IGSF21: variants seen among roughly 807,000 people sequenced by gnomAD.
IGSF21 encodes the protein immunoglobulin superfamily member 21.
Under a neutral mutation model 46.8 loss-of-function variants are expected in IGSF21, and 28 were observed. The ratio of observed to expected loss-of-function variants is 0.60; its 90% confidence interval spans 0.44 to 0.82. IGSF21 has a LOEUF of 0.82. IGSF21 is among the 40% of genes least tolerant of loss of function. The pLI is 0.00. For missense variants in IGSF21, 624 were observed against 665.5 expected (o/e 0.94, Z 0.69); for synonymous variants, 284 against 273.6 (o/e 1.04, Z -0.38).
At chr1:18,318,082 C>T (rs1022697725) in intron 3 of IGSF21, among the ~76,000 whole-genome samples, 18 of 152,238 alleles carry the variant, frequency 1.2e-4, no homozygotes, top group African/African-American at 4.3e-4. Flanking sequence ...AAAGACCTTC[C>T]TAGAAGCCAG....
chr1:18,240,093 C>A (rs190922082), intron 2 of IGSF21, among the ~76,000 whole-genome samples: 1 of 152,086 alleles, frequency 6.6e-6, no homozygotes, highest in Non-Finnish European at 1.5e-5. Context: ...TCCTGGGCAA[C>A]CTGACAAAAC....
chr1:18,275,587 G>A (rs1405689859), intron 2 of IGSF21, among the ~76,000 whole-genome samples: 4 of 152,182 alleles, frequency 2.6e-5, no homozygotes, highest in African/African-American at 9.7e-5. Flanking sequence ...TGGGGGAGCA[G>A]TGGGGAAAGG....
intron 1 of IGSF21, among the ~76,000 whole-genome samples, chr1:18,161,369 C>T (rs887504211): frequency 1.3e-5 from 2 of 152,088 alleles, no homozygotes; most frequent in Admixed American, 6.5e-5. Flanking sequence ...GTGAATGACC[C>T]TTGGAGATAG....
rs1326010011 is a variant in IGSF21 at position 18,108,209 on chromosome 1, G to T, written c.70+11G>T. 7.2e-7 allele frequency: 1 copy of T among 1,385,332 alleles called. No homozygotes were observed. Among genetic ancestry groups the T allele is most frequent in the Non-Finnish European group, 9.3e-7 (1 of 1,071,702 alleles). 85.8% of individuals were successfully genotyped at this position (1,385,332 alleles called of 1,614,324 possible). On this transcript the variant is annotated intron_variant, in intron 1 of 9. Transcript: ENST00000251296. ...TGGACCTGGCGCGCGGTGAGTGCGCGGGCGCCTGGCGGGAGCCGAGCGGTG... is the reference window on the plus strand; with the variant it reads ...TGGACCTGGCGCGCGGTGAGTGCGCTGGCGCCTGGCGGGAGCCGAGCGGTG...
chr1:18,337,736 A>G lies in IGSF21; in HGVS notation c.424+2726A>G, dbSNP rs1440054197. Among the ~76,000 whole-genome samples, 2 of 152,152 alleles carry G rather than the reference A, an allele frequency of 1.3e-5. No individual in the cohort carries two copies. The highest frequency in any genetic ancestry group is 2.9e-5 in the Non-Finnish European group (2 of 68,042). On this transcript the variant is annotated intron_variant, in intron 4 of 9. Transcript: ENST00000251296. This position sits in a 1 kb window ranked among gnomAD's most constrained non-coding sequence, Gnocchi z 5.7. ...AGGATATATCCCAACTGTCATAATGATGGCAATGCCCCACACTTGCCCAAT... is the reference window on the plus strand; with the variant it reads ...AGGATATATCCCAACTGTCATAATGGTGGCAATGCCCCACACTTGCCCAAT...
At chr1:18,326,715 G>A (rs1193001815) in intron 3 of IGSF21, among the ~76,000 whole-genome samples, 4 of 152,146 alleles carry the variant, frequency 2.6e-5, no homozygotes, top group Admixed American at 6.6e-5. Context: ...CACACACCAC[G>A]TTCCTCCCTC....
rs182045795 is a variant in IGSF21 at position 18,255,851 on chromosome 1, G to A, written c.183+27841G>A. Among the ~76,000 whole-genome samples, 10 of 152,162 alleles carry A rather than the reference G, an allele frequency of 6.6e-5. No individual in the cohort carries two copies. The East Asian group carries it at 7.7e-4, about 12-fold the overall frequency. ...CACCATCATCTTAGTCTGAATGTCT[G>A]TTACCTCCCAACTTGCCCAGAGGTG... On this transcript the variant is annotated intron_variant, in intron 2 of 9. Transcript: ENST00000251296.
At chr1:18,255,066 C>A (rs916594671) in intron 2 of IGSF21, among the ~76,000 whole-genome samples, 3 of 152,180 alleles carry the variant, frequency 2.0e-5, no homozygotes, top group Non-Finnish European at 2.9e-5. Context: ...AATACACTGA[C>A]CCCAGCGAAA....
chr1:18,137,154 G>C (rs2086374363), intron 1 of IGSF21, among the ~76,000 whole-genome samples: 1 of 152,314 alleles, frequency 6.6e-6, no homozygotes, highest in South Asian at 2.1e-4. Flanking sequence ...AGTGAAGGGG[G>C]AGCAGGTGCA....
rs1018689462 is a variant in IGSF21 at position 18,335,671 on chromosome 1, G to A, written c.424+661G>A. On this transcript the variant is annotated intron_variant, in intron 4 of 9. Transcript: ENST00000251296. The surrounding 1 kb of genome is among the most constrained non-coding windows in gnomAD (Gnocchi z 4.8). ...ATTCTGGCTCTATTGCAAGGATGCT[G>A]GGGACTTGGCCTTGACTCCAGACTC... Among the ~76,000 whole-genome samples the A allele has an allele frequency of 1.3e-5, 2 of 152,182 alleles. No individual in the cohort carries two copies. The highest frequency in any genetic ancestry group is 1.3e-4 in the Admixed American group (2 of 15,284).
chr1:18,324,617 C>A (rs1370278487), intron 3 of IGSF21, among the ~76,000 whole-genome samples: 4 of 152,222 alleles, frequency 2.6e-5, no homozygotes, highest in Non-Finnish European at 5.9e-5. Flanking sequence ...GCTGGTCACC[C>A]TGGTTAAGAC....
chr1:18,357,839 G>A (rs894809092), intron 4 of IGSF21, among the ~76,000 whole-genome samples: 1 of 152,074 alleles, frequency 6.6e-6, no homozygotes, highest in African/African-American at 2.4e-5. Context: ...TATATTGATG[G>A]GGAGGGTGTG....
rs370777254 is a variant in IGSF21 at position 18,307,180 on chromosome 1, G to A, written c.305+15193G>A. On this transcript the variant is annotated intron_variant, in intron 3 of 9. Coordinates refer to ENST00000251296, the MANE Select transcript of IGSF21 (RefSeq NM_032880.5). ...TTCCCCTGCTTGGTTAATGTTCCTG[G>A]GCATGTTGAGTATTTTGTGGGGACC... Among the ~76,000 whole-genome samples the A allele has an allele frequency of 1.1e-4, 17 of 151,924 alleles. No homozygotes were observed. In the East Asian group the frequency reaches 2.7e-3, roughly 24 times the overall value.
At chr1:18,314,586 G>C (rs899081475) in intron 3 of IGSF21, among the ~76,000 whole-genome samples, 1 of 152,160 alleles carries the variant, frequency 6.6e-6, no homozygotes, top group Non-Finnish European at 1.5e-5. Context: ...CATGATCCCT[G>C]CTTTGCAAGT....
intron 1 of IGSF21, among the ~76,000 whole-genome samples, chr1:18,190,919 C>T (rs12731161): frequency 4.6e-5 from 7 of 151,918 alleles, no homozygotes; most frequent in Non-Finnish European, 7.4e-5. Context: ...GGAAAAGGCT[C>T]GGGTGGGTGG....
intron 3 of IGSF21, 140 bp downstream of exon 3, chr1:18,292,127 A>G: frequency 1.1e-6 from 1 of 903,098 alleles, no homozygotes; most frequent in Admixed American, 2.4e-5. Flanking sequence ...GGCTCCCCTT[A>G]TGGAAGTGGG....
At chr1:18,222,322 A>G (rs1228725544) in intron 1 of IGSF21, among the ~76,000 whole-genome samples, 1 of 152,156 alleles carries the variant, frequency 6.6e-6, no homozygotes, top group African/African-American at 2.4e-5. Flanking sequence ...TGGCTGAGCT[A>G]GTCATCTCTG....
intron 2 of IGSF21, among the ~76,000 whole-genome samples, chr1:18,286,336 G>A (rs992442323): frequency 1.1e-4 from 16 of 152,116 alleles, no homozygotes; most frequent in Admixed American, 1.3e-4. Context: ...ACATCCCTTC[G>A]TATGCCAGGC....
intron 1 of IGSF21, among the ~76,000 whole-genome samples, chr1:18,181,546 C>T (rs2086858500): frequency 6.6e-6 from 1 of 152,188 alleles, no homozygotes; most frequent in Non-Finnish European, 1.5e-5. Flanking sequence ...GTCCCAGCTC[C>T]TCCTTCCCCT....
Sources: gnomAD v4.1 joint callset for allele counts (sites outside exome capture counted in the v4.1 genomes callset) on GRCh38, gnomAD v4.1.1 for gene constraint, Gnocchi (gnomAD v3.1) non-coding constraint, MANE v1.5 for transcripts, NCBI Gene and HGNC (gene_info 2026-07-23, HGNC 2026-07-21) for gene names.